Variants in NRCAM observed in about 807,000 individuals in gnomAD.
The protein encoded by NRCAM is neuronal cell adhesion molecule.
A neutral mutation model predicts 156.5 loss-of-function variants in NRCAM; 83 were observed. The ratio of observed to expected loss-of-function variants is 0.53; its 90% CI spans 0.44 to 0.64. The LOEUF is 0.64. Among genes scored for constraint, NRCAM ranks in the 30% least tolerant of loss-of-function variants. NRCAM has a pLI of 0.00. For synonymous variants in NRCAM, 538 were observed against 563.9 expected (o/e 0.95, Z 0.65); for missense variants, 1,417 against 1,597.3 (o/e 0.89, Z 1.92).
At chr7:108,291,497 ATG>A (rs879728972) in intron 3 of NRCAM, among the ~76,000 whole-genome samples, 37 of 152,322 alleles carry the variant, frequency 2.4e-4, no homozygotes, top group Middle Eastern at 3.4e-3. Flanking sequence ...ACTTTCTCAA[ATG>A]TGTCTTTCTT....
chr7:108,334,469 A>G (rs1240582449), intron 2 of NRCAM, among the ~76,000 whole-genome samples: 1 of 152,170 alleles, frequency 6.6e-6, no homozygotes, highest in Non-Finnish European at 1.5e-5. Context: ...TGTTCCAGCT[A>G]AACAGGTCTA....
At chr7:108,160,327 G>T in intron 31 of NRCAM, 34 bp downstream of exon 31, 1 of 1,577,470 alleles carries the variant, frequency 6.3e-7, no homozygotes, top group East Asian at 2.2e-5. Flanking sequence ...TTATTATGTA[G>T]CATTATAAAG....
At chr7:108,184,117 T>A in intron 22 of NRCAM, 124 bp downstream of exon 22, 1 of 515,788 alleles carries the variant, frequency 1.9e-6, no homozygotes. Flanking sequence ...TATCTTTATA[T>A]ATATATATAT....
chr7:108,428,549 AT>A (rs1200913719), intron 1 of NRCAM, among the ~76,000 whole-genome samples: 1 of 152,208 alleles, frequency 6.6e-6, no homozygotes, highest in Admixed American at 6.5e-5. Context: ...CAATGCTGAG[AT>A]CCTTGGACAA....
At chr7:108,234,468 G>C (rs2094691387) in intron 6 of NRCAM, 115 bp downstream of exon 6, 2 of 669,324 alleles carry the variant, frequency 3.0e-6, no homozygotes, top group African/African-American at 3.6e-5. Flanking sequence ...AACTGAAAAA[G>C]GAAGTGCTCT....
chr7:108,155,209 C>G (rs932635829), intron 32 of NRCAM, among the ~76,000 whole-genome samples: 1 of 150,390 alleles, frequency 6.6e-6, no homozygotes, highest in South Asian at 2.1e-4. Context: ...CAAAGCTTTA[C>G]AAAACAGGTA....
Position 108,194,158 on chromosome 7 carries a change from G to A in NRCAM, c.1644C>T (p.Ile548=), listed in dbSNP as rs1426341312. ...CAACTGCATATTCGGGCTGTTTAAC[G>A]ATCCATGTAGGATCTGAAATGTAGA... ...VHLEIKDPTW[I]VKQPEYAVVQ... is the part of the protein sequence containing the mutation. Residue 548 remains isoleucine, a synonymous_variant, in exon 17 of 33, where the codon ATC becomes ATT. Coordinates refer to ENST00000379028, the MANE Select transcript of NRCAM (RefSeq NM_001037132.4). The A allele has an allele frequency of 2.5e-6, 4 of 1,613,896 alleles. No individual in the cohort carries two copies. Among genetic ancestry groups the A allele is most frequent in the Non-Finnish European group, 2.5e-6 (3 of 1,179,894 alleles).
chr7:108,414,444 TAAGAC>T (rs143815516), intron 1 of NRCAM, among the ~76,000 whole-genome samples: 1,618 of 152,260 alleles, frequency 0.011, 29 homozygotes, highest in African/African-American at 0.037. Context: ...GAACCCAGGC[TAAGAC>T]AATTATCTAC....
chr7:108,210,639 T>C (rs1382603760), intron 11 of NRCAM, among the ~76,000 whole-genome samples: 1 of 152,232 alleles, frequency 6.6e-6, no homozygotes, highest in Non-Finnish European at 1.5e-5. Flanking sequence ...TCCAACCCTG[T>C]CCCTGGATTT....
At chr7:108,270,047 A>G (rs1178752933) in intron 3 of NRCAM, among the ~76,000 whole-genome samples, 1 of 152,214 alleles carries the variant, frequency 6.6e-6, no homozygotes, top group Non-Finnish European at 1.5e-5. Context: ...TACAGCTTCC[A>G]TTATCTTCAC....
intron 11 of NRCAM, among the ~76,000 whole-genome samples, chr7:108,218,403 A>G (rs895987114): frequency 3.3e-5 from 5 of 152,190 alleles, no homozygotes; most frequent in African/African-American, 1.2e-4. Flanking sequence ...CACCCAGAAT[A>G]CACATTCTAT....
chr7:108,401,246 A>T (rs2099791682), intron 1 of NRCAM, among the ~76,000 whole-genome samples: 1 of 151,716 alleles, frequency 6.6e-6, no homozygotes, highest in Admixed American at 6.6e-5. Context: ...TCAAAAACAA[A>T]GGAACAATAG....
At chr7:108,447,158 A>G (rs1169763348) in intron 1 of NRCAM, among the ~76,000 whole-genome samples, 1 of 151,888 alleles carries the variant, frequency 6.6e-6, no homozygotes, top group African/African-American at 2.4e-5. Flanking sequence ...GAACTTTGAT[A>G]CATTACAGCA....
chr7:108,182,888 G>C lies in NRCAM; in HGVS notation c.2337C>G (p.Gly779=). ...GGCGCCAGCTAACTTTGTACTGAAG[G>C]CCTGGCCCATTAGATTCGAAACCAT... is the stretch of plus-strand genomic sequence containing the variant. ...PLNGFESNGP[G]LQYKVSWRQK... The change falls in exon 23 of 33, where the codon GGC becomes GGG. Residue 779 remains glycine (G), a synonymous_variant. Coordinates refer to ENST00000379028, the MANE Select transcript of NRCAM (RefSeq NM_001037132.4). 1 of 1,614,178 alleles carries C rather than the reference G, an allele frequency of 6.2e-7. No individual in the cohort carries two copies. Among genetic ancestry groups the C allele is most frequent in the Non-Finnish European group, 8.5e-7 (1 of 1,180,024 alleles).
intron 2 of NRCAM, among the ~76,000 whole-genome samples, chr7:108,325,265 C>T (rs2099055409): frequency 6.6e-6 from 1 of 152,084 alleles, no homozygotes; most frequent in Admixed American, 6.6e-5. Flanking sequence ...GTCACCTACT[C>T]ATGACTTGGG....
chr7:108,248,947 T>C (rs188981280), intron 3 of NRCAM, among the ~76,000 whole-genome samples: 42 of 147,936 alleles, frequency 2.8e-4, no homozygotes, highest in Admixed American at 1.0e-3. Flanking sequence ...ATCTCGGCGA[T>C]TAGTCAGGGA....
chr7:108,330,790 C>A (rs948229594), intron 2 of NRCAM, among the ~76,000 whole-genome samples: 1 of 152,124 alleles, frequency 6.6e-6, no homozygotes, highest in African/African-American at 2.4e-5. Flanking sequence ...ATTTTAAGCT[C>A]ATCAGGTTAT....
At chr7:108,304,824 G>T (rs1340349731) in intron 3 of NRCAM, among the ~76,000 whole-genome samples, 1 of 152,122 alleles carries the variant, frequency 6.6e-6, no homozygotes, top group Non-Finnish European at 1.5e-5. Flanking sequence ...TGTAACAAGG[G>T]TCTTTCCATA....
At chr7:108,346,565 T>C (rs918276118) in intron 2 of NRCAM, among the ~76,000 whole-genome samples, 8 of 152,236 alleles carry the variant, frequency 5.3e-5, no homozygotes, top group African/African-American at 1.9e-4. Context: ...GACTTAAACA[T>C]TCTTTTATCC....
Sources: allele counts gnomAD v4.1 joint callset (sites outside exome capture counted in the v4.1 genomes callset), GRCh38; gene constraint gnomAD v4.1.1; transcripts MANE v1.5; gene names NCBI Gene and HGNC (gene_info 2026-07-23, HGNC 2026-07-21).